The following HHAT variants were observed in gnomAD, a reference collection of about 807,000 sequenced individuals.
HHAT encodes the protein hedgehog acyltransferase.
Under a neutral mutation model 70.8 loss-of-function variants are expected in HHAT, and 47 were observed. The observed-to-expected ratio is 0.66, with a 90% confidence interval of 0.53 to 0.85. HHAT has a LOEUF of 0.85. HHAT is among the 40% of genes least tolerant of loss of function. HHAT has a pLI of 0.00. For synonymous variants in HHAT, 228 were observed against 247.6 expected (o/e 0.92, Z 0.74); for missense variants, 609 against 604.8 (o/e 1.01, Z -0.07).
intron 1 of HHAT, among the ~76,000 whole-genome samples, chr1:210,330,904 C>T (rs944946464): frequency 9.2e-5 from 14 of 152,292 alleles, no homozygotes; most frequent in African/African-American, 2.9e-4. Flanking sequence ...CTGCAACCTC[C>T]ACCTCTGGGG....
intron 11 of HHAT, among the ~76,000 whole-genome samples, chr1:210,667,885 A>G (rs1679254895): frequency 6.6e-6 from 1 of 152,178 alleles, no homozygotes; most frequent in African/African-American, 2.4e-5. Flanking sequence ...GTACATTCAT[A>G]TTGTTATGCA....
chr1:210,387,338 A>AAT (rs3215543), intron 3 of HHAT, 130 bp from the exon 4 acceptor site: 128,460 of 736,118 alleles, frequency 0.17, 12,352 homozygotes, highest in African/African-American at 0.32. Context: ...GAAAGGCTAG[A>AAT]AGTGTGTAAA....
In HHAT at chr1:210,340,242, G is replaced by GAA. The variant is rs57007952; in HGVS notation, c.-43-8666_-43-8665dup. Among the ~76,000 whole-genome samples the GAA allele has an allele frequency of 1.6e-3, 160 of 99,746 alleles. 3 individuals are homozygous for GAA. Among genetic ancestry groups the GAA allele is most frequent in the African/African-American group, 4.9e-3 (145 of 29,600 alleles). 65.4% of individuals were successfully genotyped at this position (99,746 alleles called of 152,430 possible). A position where few individuals can be genotyped will look rare whatever the true frequency, so the allele number is the denominator to read the frequency against. Reference sequence around the variant, plus strand: ...GGGGATAGAGCAAGACTCTGTCTCAGAAAAAAAAAAAAAAAAAAAAAAAAA... The same window carrying GAA: ...GGGGATAGAGCAAGACTCTGTCTCAGAAAAAAAAAAAAAAAAAAAAAAAAAAA... On this transcript the variant is annotated intron_variant, in intron 1 of 11. Transcript: ENST00000261458.
At chr1:210,418,362 A>C (rs1335342309) in intron 7 of HHAT, 37 bp downstream of exon 7, 1 of 1,541,654 alleles carries the variant, frequency 6.5e-7, no homozygotes, top group East Asian at 2.3e-5. Flanking sequence ...GATGAGCCCC[A>C]ATAGTCCAAC....
chr1:210,422,544 G>A (rs139129577), intron 7 of HHAT, among the ~76,000 whole-genome samples: 2 of 152,270 alleles, frequency 1.3e-5, no homozygotes, highest in African/African-American at 4.8e-5. Context: ...TTAACAGAAT[G>A]TACCCCAGTT....
At chr1:210,474,412 G>A (rs1013627866) in intron 8 of HHAT, among the ~76,000 whole-genome samples, 1 of 152,026 alleles carries the variant, frequency 6.6e-6, no homozygotes, top group Non-Finnish European at 1.5e-5. Flanking sequence ...TGCCTCAGCC[G>A]CCTGAGTAGC....
intron 9 of HHAT, among the ~76,000 whole-genome samples, chr1:210,557,681 CTA>C (rs1034296884): frequency 1.3e-5 from 2 of 152,180 alleles, no homozygotes; most frequent in African/African-American, 4.8e-5. Context: ...CCCTGATAAA[CTA>C]TCAGATCTCA....
chr1:210,514,789 T>G (rs1385842983), intron 9 of HHAT, among the ~76,000 whole-genome samples: 1 of 152,190 alleles, frequency 6.6e-6, no homozygotes, highest in Non-Finnish European at 1.5e-5. Context: ...TCCACTTACT[T>G]GGATATGTCT....
chr1:210,405,757 A>G (rs1345963035), intron 6 of HHAT, among the ~76,000 whole-genome samples: 1 of 152,220 alleles, frequency 6.6e-6, no homozygotes, highest in Non-Finnish European at 1.5e-5. Flanking sequence ...GTAACTTTTT[A>G]TATCTCTAGA....
chr1:210,644,139 T>G (rs918815568), intron 11 of HHAT, among the ~76,000 whole-genome samples: 4 of 152,186 alleles, frequency 2.6e-5, no homozygotes, highest in African/African-American at 7.2e-5. Flanking sequence ...GAAAAGACAC[T>G]GAGGTCTAGA....
chr1:210,369,420 G>C (rs1480202430), intron 3 of HHAT, among the ~76,000 whole-genome samples: 1 of 152,176 alleles, frequency 6.6e-6, no homozygotes, highest in African/African-American at 2.4e-5. Context: ...TAGATAAAGA[G>C]GTACTTCTAT....
At chr1:210,443,276 T>C (rs1047410711) in intron 7 of HHAT, among the ~76,000 whole-genome samples, 4 of 151,874 alleles carry the variant, frequency 2.6e-5, no homozygotes, top group African/African-American at 9.7e-5. Flanking sequence ...GGTCAGGTAG[T>C]GTGATGCCTC....
chr1:210,475,779 C>T (rs1270020348), intron 8 of HHAT, among the ~76,000 whole-genome samples: 2 of 152,092 alleles, frequency 1.3e-5, no homozygotes, highest in Non-Finnish European at 2.9e-5. Flanking sequence ...TAAGTTTTGA[C>T]TCATTAGATT....
At chr1:210,650,204 G>A (rs1350134231) in intron 11 of HHAT, among the ~76,000 whole-genome samples, 1 of 152,168 alleles carries the variant, frequency 6.6e-6, no homozygotes, top group Non-Finnish European at 1.5e-5. Context: ...GAATCAGATG[G>A]CTCCTATTCT....
chr1:210,373,865 C>T (rs370481542), intron 3 of HHAT, among the ~76,000 whole-genome samples: 1 of 152,134 alleles, frequency 6.6e-6, no homozygotes, highest in Non-Finnish European at 1.5e-5. Flanking sequence ...AACTATGTGG[C>T]TGAGTTTAGG....
chr1:210,490,966 G>A (rs556573365), intron 8 of HHAT, among the ~76,000 whole-genome samples: 1 of 152,122 alleles, frequency 6.6e-6, no homozygotes, highest in South Asian at 2.1e-4. Context: ...TATGGAAAAA[G>A]TTGAAACAGC....
intron 8 of HHAT, among the ~76,000 whole-genome samples, chr1:210,473,531 C>T (rs2094246612): frequency 1.3e-5 from 2 of 152,092 alleles, no homozygotes; most frequent in South Asian, 4.2e-4. Context: ...TAACCTGAGT[C>T]ACTGACTGGG....
chr1:210,377,781 C>T (rs1347361545), intron 3 of HHAT, among the ~76,000 whole-genome samples: 1 of 152,196 alleles, frequency 6.6e-6, no homozygotes, highest in Non-Finnish European at 1.5e-5. Context: ...ATTTGCCTGG[C>T]TTCTGTGGCG....
rs115107158 is a variant in HHAT, at chr1:210,663,473, G to A, written c.1391-10815G>A. Among the ~76,000 whole-genome samples, 15 of 152,278 alleles carry A rather than the reference G, an allele frequency of 9.9e-5. 1 individual carries two copies. The highest frequency in any genetic ancestry group is 2.0e-4 in the Admixed American group (3 of 15,290). On this transcript the variant is annotated intron_variant, in intron 11 of 11. Transcript: ENST00000261458. ...CCTTGAGTTCTAATGTCCAATGAGC[G>A]TTTAGACCTTGGGAAAGCTACTTCT...
Sources: gnomAD v4.1 joint callset for allele counts (sites outside exome capture counted in the v4.1 genomes callset) on GRCh38, gnomAD v4.1.1 for gene constraint, MANE v1.5 for transcripts, NCBI Gene and HGNC (gene_info 2026-07-23, HGNC 2026-07-21) for gene names.